The following FAM117B variants were observed in gnomAD, a reference collection of about 807,000 sequenced individuals.
FAM117B encodes the protein protein FAM117B.
Under a neutral mutation model 52.8 loss-of-function variants are expected in FAM117B, and 22 were observed. The observed-to-expected ratio is 0.42, with a 90% CI of 0.30 to 0.59. FAM117B has a LOEUF of 0.59. Ranked by LOEUF, FAM117B falls within the 20% of genes least tolerant of loss-of-function variation. The pLI, the probability that FAM117B is intolerant of heterozygous loss-of-function variation, is 0.22. For synonymous variants in FAM117B, 309 were observed against 324.1 expected (o/e 0.95, Z 0.50); for missense variants, 678 against 802.6 (o/e 0.84, Z 1.88).
At chr2:202,753,491 A>C (rs918250481) in intron 4 of FAM117B, among the ~76,000 whole-genome samples, 4 of 152,356 alleles carry the variant, frequency 2.6e-5, no homozygotes, top group Admixed American at 1.3e-4. Flanking sequence ...AAGCAATTGC[A>C]ACAAAAGCCA....
intron 1 of FAM117B, among the ~76,000 whole-genome samples, chr2:202,653,165 G>C (rs1222660935): frequency 6.6e-6 from 1 of 152,056 alleles, no homozygotes; most frequent in African/African-American, 2.4e-5. Flanking sequence ...CTGCTTAGGG[G>C]GCTGCGGTGG....
intron 1 of FAM117B, among the ~76,000 whole-genome samples, chr2:202,655,576 A>G (rs1346231547): frequency 6.6e-6 from 1 of 152,140 alleles, no homozygotes; most frequent in Non-Finnish European, 1.5e-5. Context: ...GCTTTATAAA[A>G]TGAGTTGAGA....
chr2:202,652,356 C>T (rs969835256), intron 1 of FAM117B, among the ~76,000 whole-genome samples: 3 of 152,092 alleles, frequency 2.0e-5, no homozygotes. Flanking sequence ...TTTCTTTGGC[C>T]TTCCAGTGTT....
rs555199354 is a variant in FAM117B at position 202,716,158 on chromosome 2, C to G, written c.754-8759C>G. 3.3e-5 allele frequency among the ~76,000 whole-genome samples: 5 copies of G among 152,306 alleles called. No homozygotes were observed. In the South Asian group the frequency reaches 1.0e-3, roughly 32 times the overall value. ...TAGTGACCTTCTTTGTCTCTTCTTA[C>G]AGTTTTTGTCTTCAAATCTGTGTTG... On this transcript the variant is annotated intron_variant, in intron 2 of 7. Transcript: ENST00000392238.
At chr2:202,717,518 G>T (rs905835434) in intron 2 of FAM117B, among the ~76,000 whole-genome samples, 1 of 152,092 alleles carries the variant, frequency 6.6e-6, no homozygotes, top group Admixed American at 6.5e-5. Flanking sequence ...CTTTATTAGG[G>T]TGCACCCCAA....
intron 4 of FAM117B, among the ~76,000 whole-genome samples, chr2:202,731,982 G>A (rs370663213): frequency 8.6e-5 from 13 of 151,414 alleles, no homozygotes; most frequent in Admixed American, 4.6e-4. Context: ...TGATCTGCCC[G>A]CCTCGGCCTC....
intron 1 of FAM117B, among the ~76,000 whole-genome samples, chr2:202,646,093 C>G (rs1461000646): frequency 6.7e-6 from 1 of 150,360 alleles, no homozygotes; most frequent in Non-Finnish European, 1.5e-5. Flanking sequence ...GTGGCACTAT[C>G]TTGGCTCACT....
chr2:202,652,106 T>A (rs937390769), intron 1 of FAM117B, among the ~76,000 whole-genome samples: 2 of 151,884 alleles, frequency 1.3e-5, no homozygotes, highest in African/African-American at 4.8e-5. Flanking sequence ...TATATTATTT[T>A]ATTTTTTTTA....
chr2:202,641,593 T>A (rs1389733584), intron 1 of FAM117B, among the ~76,000 whole-genome samples: 1 of 152,098 alleles, frequency 6.6e-6, no homozygotes, highest in African/African-American at 2.4e-5. Context: ...AAAATCTTTG[T>A]AATCTGTGTG....
At chr2:202,761,907 T>C (rs1383585090) in intron 7 of FAM117B, among the ~76,000 whole-genome samples, 1 of 152,078 alleles carries the variant, frequency 6.6e-6, no homozygotes, top group African/African-American at 2.4e-5. Context: ...ATGTTTATTA[T>C]ACGTTTTACT....
intron 1 of FAM117B, among the ~76,000 whole-genome samples, chr2:202,662,567 G>A (rs777096613): frequency 1.7e-4 from 26 of 152,212 alleles, no homozygotes; most frequent in Non-Finnish European, 3.4e-4. Context: ...TGTTGGCTGG[G>A]TGCAGTGGCT....
intron 4 of FAM117B, among the ~76,000 whole-genome samples, chr2:202,740,050 G>GT (rs1190666234): frequency 1.3e-5 from 2 of 151,356 alleles, no homozygotes; most frequent in East Asian, 2.0e-4. Flanking sequence ...GCGGGCGCCT[G>GT]TAGTCCCAGC....
At chr2:202,640,565 G>A (rs563349071) in intron 1 of FAM117B, among the ~76,000 whole-genome samples, 3 of 151,396 alleles carry the variant, frequency 2.0e-5, no homozygotes, top group Admixed American at 2.0e-4. Flanking sequence ...TAAGAATTTA[G>A]TGTTTCTCTA....
intron 1 of FAM117B, among the ~76,000 whole-genome samples, chr2:202,667,491 C>A (rs909520808): frequency 6.6e-6 from 1 of 151,924 alleles, no homozygotes; most frequent in Non-Finnish European, 1.5e-5. Context: ...TTTGTGTGTG[C>A]GTGCGCGCGC....
At chr2:202,727,052 C>G (rs1035996770) in intron 4 of FAM117B, among the ~76,000 whole-genome samples, 3 of 145,346 alleles carry the variant, frequency 2.1e-5, no homozygotes, top group African/African-American at 7.3e-5. Flanking sequence ...GCTCATCCAT[C>G]CAAAGAACAC....
At chr2:202,732,158 C>T (rs1003830670) in intron 4 of FAM117B, among the ~76,000 whole-genome samples, 4 of 151,180 alleles carry the variant, frequency 2.6e-5, no homozygotes, top group African/African-American at 7.3e-5. Flanking sequence ...TCCAAAGTGC[C>T]GGGATTACAG....
chr2:202,677,314 C>T (rs1260880054), intron 1 of FAM117B, among the ~76,000 whole-genome samples: 1 of 152,114 alleles, frequency 6.6e-6, no homozygotes, highest in Non-Finnish European at 1.5e-5. Flanking sequence ...GATCCGCCCG[C>T]CTCGGCCTCC....
intron 4 of FAM117B, among the ~76,000 whole-genome samples, chr2:202,735,493 G>GT (rs568470816): frequency 8.5e-5 from 13 of 152,098 alleles, no homozygotes; most frequent in Non-Finnish European, 1.9e-4. Flanking sequence ...TTTTCTGCAT[G>GT]TTTTTTTCCC....
chr2:202,659,690 C>T (rs1467126136), intron 1 of FAM117B, among the ~76,000 whole-genome samples: 7 of 144,508 alleles, frequency 4.8e-5, no homozygotes, highest in African/African-American at 7.7e-5. Flanking sequence ...TCTTGGCTCA[C>T]TGCAACCTCC....
Sources: allele counts gnomAD v4.1 joint callset (sites outside exome capture counted in the v4.1 genomes callset), GRCh38; gene constraint gnomAD v4.1.1; transcripts MANE v1.5; gene names NCBI Gene and HGNC (gene_info 2026-07-23, HGNC 2026-07-21).